The following CLIC5 variants were observed in gnomAD, a reference collection of about 807,000 sequenced individuals.
The protein encoded by CLIC5 is CLIC family member 5, also known as chloride intracellular channel protein 5.
CLIC5 carries 20 observed loss-of-function variants against 24.7 expected under a neutral mutation model. That is an observed-to-expected ratio of 0.81 (90% CI 0.57 to 1.18). The LOEUF is 1.18. Among genes scored for constraint, CLIC5 ranks in the 50% most tolerant of loss-of-function variants. The pLI is 0.00. For synonymous variants in CLIC5, 159 were observed against 135.6 expected (o/e 1.17, Z -1.20); for missense variants, 341 against 326.1 (o/e 1.05, Z -0.35).
intron 1 of CLIC5, among the ~76,000 whole-genome samples, chr6:46,034,537 G>A (rs1288628216): frequency 4.6e-5 from 7 of 152,206 alleles, no homozygotes; most frequent in African/African-American, 1.7e-4. Flanking sequence ...AGGAGTTCAA[G>A]TCTGCAGTGA....
intron 1 of CLIC5, among the ~76,000 whole-genome samples, chr6:46,023,740 T>C (rs1469105675): frequency 6.6e-6 from 1 of 152,240 alleles, no homozygotes; most frequent in Non-Finnish European, 1.5e-5. Flanking sequence ...CGTGCATTTT[T>C]GGCAGGATTT....
rs564390107 is a variant in CLIC5, at chr6:45,927,332, C to T, written c.407-12923G>A. ...AGCACAGCCCTGGACCAACAGTGTC[C>T]GAATCGCCTGGGAGCTCTCAGGCCT... is the stretch of plus-strand genomic sequence containing the variant. On this transcript the variant is annotated intron_variant, in intron 4 of 5. Coordinates refer to ENST00000339561, the MANE Select transcript of CLIC5 (RefSeq NM_016929.5). Among the ~76,000 whole-genome samples, 459 of 152,210 alleles carry T rather than the reference C, an allele frequency of 3.0e-3. 4 individuals carry two copies. Among genetic ancestry groups the T allele is most frequent in the African/African-American group, 0.01 (421 of 41,516 alleles).
At chr6:45,955,800 T>C (rs1303334297) in intron 1 of CLIC5, among the ~76,000 whole-genome samples, 3 of 150,398 alleles carry the variant, frequency 2.0e-5, no homozygotes, top group Non-Finnish European at 3.0e-5. Context: ...CATCTCCCTA[T>C]ATGGAGGCTA....
At chr6:45,959,633 GGCT>G (rs1764782081) in intron 1 of CLIC5, among the ~76,000 whole-genome samples, 1 of 35,460 alleles carries the variant, frequency 2.8e-5, no homozygotes, top group Non-Finnish European at 7.8e-5. Context: ...CTGCCTCCCA[GGCT>G]GAAGCAAATA....
intron 1 of CLIC5, among the ~76,000 whole-genome samples, chr6:45,998,569 C>A (rs1391480533): frequency 1.3e-5 from 2 of 152,224 alleles, no homozygotes; most frequent in African/African-American, 4.8e-5. Context: ...TATTTCAACA[C>A]ATGCAGGATA....
chr6:46,026,271 G>A (rs538632486), intron 1 of CLIC5, among the ~76,000 whole-genome samples: 2 of 152,168 alleles, frequency 1.3e-5, no homozygotes, highest in South Asian at 4.2e-4. Flanking sequence ...TCCTCCTGTA[G>A]AATTCTAGGA....
intron 1 of CLIC5, among the ~76,000 whole-genome samples, chr6:45,974,789 A>G (rs1021275333): frequency 1.3e-5 from 2 of 152,050 alleles, no homozygotes; most frequent in African/African-American, 4.8e-5. Context: ...GTGTGGATAT[A>G]TATGTAACCC....
In CLIC5 at chr6:45,882,206, A is replaced by G. The variant is rs1762269540; in HGVS notation, c.624-1018T>C. 2.0e-5 allele frequency among the ~76,000 whole-genome samples: 3 copies of G among 152,232 alleles called. No homozygotes were observed. The South Asian group carries it at 6.2e-4, about 32-fold the overall frequency. On this transcript the variant is annotated intron_variant, in intron 6 of 6. Coordinates refer to the CLIC5 transcript ENST00000644324. ...CTGGAACCATCTTGGATGGCTCCCA[A>G]GGGCCATGGAATGACTGTGTCCAGG... is the stretch of plus-strand genomic sequence containing the variant.
chr6:46,054,032 C>G (rs893745946), intron 1 of CLIC5, among the ~76,000 whole-genome samples: 5 of 152,042 alleles, frequency 3.3e-5, no homozygotes, highest in African/African-American at 9.7e-5. Flanking sequence ...GATAAAGAAG[C>G]CTGTTTTGCT....
the CLIC5 span, among the ~76,000 whole-genome samples, chr6:46,114,968 T>C: frequency 2.0e-5 from 3 of 152,102 alleles, no homozygotes; most frequent in Admixed American, 2.0e-4. Context: ...AGACAGCTCA[T>C]TGACACAAGG....
At chr6:46,038,194 G>GA (rs956168238) in intron 1 of CLIC5, among the ~76,000 whole-genome samples, 13 of 149,942 alleles carry the variant, frequency 8.7e-5, no homozygotes, top group South Asian at 4.2e-4. Flanking sequence ...TTTCATAAAT[G>GA]AAAAAAAAAT....
intron 1 of CLIC5, among the ~76,000 whole-genome samples, chr6:45,968,047 A>G (rs2127400648): frequency 6.6e-6 from 1 of 152,282 alleles, no homozygotes; most frequent in East Asian, 1.9e-4. Flanking sequence ...ATGCTCTATT[A>G]GGAAAACCCA....
At chr6:45,912,884 C>T (rs944112694) in intron 5 of CLIC5, 1 of 645,216 alleles carries the variant, frequency 1.5e-6, no homozygotes, top group African/African-American at 1.8e-5. Flanking sequence ...TGTATTTGCC[C>T]ACTCCATTTT....
At chr6:46,053,236 G>T (rs988131925) in intron 1 of CLIC5, among the ~76,000 whole-genome samples, 2 of 152,114 alleles carry the variant, frequency 1.3e-5, no homozygotes, top group Non-Finnish European at 2.9e-5. Flanking sequence ...GTGACAGACC[G>T]CAAACAGGCA....
chr6:46,033,260 T>A (rs1183031327), intron 1 of CLIC5, among the ~76,000 whole-genome samples: 1 of 151,890 alleles, frequency 6.6e-6, no homozygotes, highest in Non-Finnish European at 1.5e-5. Flanking sequence ...GTGCTGGGAT[T>A]ACAGGCATGA....
intron 6 of CLIC5, chr6:45,892,310 T>A (rs1762354021): frequency 6.6e-6 from 1 of 152,244 alleles, no homozygotes; most frequent in African/African-American, 2.4e-5. Context: ...ACTTACCATA[T>A]GAGGACTGCC....
chr6:46,031,142 G>T (rs1480601809), intron 1 of CLIC5, among the ~76,000 whole-genome samples: 2 of 152,090 alleles, frequency 1.3e-5, no homozygotes, highest in Non-Finnish European at 2.9e-5. Context: ...CCATCACTGT[G>T]TTTTGCAGAA....
chr6:45,963,323 C>T (rs1445506449), intron 1 of CLIC5, among the ~76,000 whole-genome samples: 1 of 152,164 alleles, frequency 6.6e-6, no homozygotes, highest in African/African-American at 2.4e-5. Context: ...GCTTAACAGG[C>T]AGGCAGTCTG....
At chr6:45,927,520 C>T (rs1464938936) in intron 4 of CLIC5, among the ~76,000 whole-genome samples, 1 of 152,140 alleles carries the variant, frequency 6.6e-6, no homozygotes, top group Non-Finnish European at 1.5e-5. Flanking sequence ...AAAAGCAGGA[C>T]GTAGATTTAC....
Sources: allele counts gnomAD v4.1 joint callset (sites outside exome capture counted in the v4.1 genomes callset), GRCh38; gene constraint gnomAD v4.1.1; transcripts MANE v1.5; gene names NCBI Gene and HGNC (gene_info 2026-07-23, HGNC 2026-07-21).